ZNF253: variants seen among roughly 807,000 people sequenced by gnomAD.
The protein encoded by ZNF253 is zinc finger protein 253, also known as DNA-binding protein.
ZNF253 carries 8 observed loss-of-function variants against 11.9 expected under a neutral mutation model. The observed-to-expected ratio is 0.67, with a 90% CI of 0.40 to 1.22. ZNF253 has a LOEUF of 1.22. Ranked by LOEUF, ZNF253 falls within the 50% of genes most tolerant of loss-of-function variation. The pLI, the probability that ZNF253 is intolerant of heterozygous loss-of-function variation, is 0.01. For synonymous variants in ZNF253, 194 were observed against 194.9 expected, an observed-to-expected ratio of 1.00 and a Z score of 0.04; for missense variants, 485 against 586.9, an observed-to-expected ratio of 0.83 and a Z score of 1.79.
At chr19:19,885,082 C>A (rs973091500) in intron 3 of ZNF253, among the ~76,000 whole-genome samples, 15 of 151,952 alleles carry the variant, frequency 9.9e-5, no homozygotes, top group African/African-American at 3.6e-4. Flanking sequence ...CGTTGTCACT[C>A]CTGAAATTTT....
chr19:19,887,022 C>T (rs1000417772), intron 3 of ZNF253, among the ~76,000 whole-genome samples: 3 of 151,874 alleles, frequency 2.0e-5, no homozygotes, highest in South Asian at 2.1e-4. Flanking sequence ...ATAAATATTA[C>T]GATTATAGAT....
At chr19:19,886,021 A>T (rs1257391372) in intron 3 of ZNF253, among the ~76,000 whole-genome samples, 1 of 152,102 alleles carries the variant, frequency 6.6e-6, no homozygotes, top group East Asian at 1.9e-4. Flanking sequence ...TTGAGACAAG[A>T]TCTTACCGTC....
At chr19:19,882,507 G>C (rs2063182031) in intron 3 of ZNF253, among the ~76,000 whole-genome samples, 1 of 152,012 alleles carries the variant, frequency 6.6e-6, no homozygotes, top group South Asian at 2.1e-4. Flanking sequence ...GGTTCAAGCA[G>C]TTCTCATGTC....
chr19:19,886,407 C>A (rs2063206524), intron 3 of ZNF253, among the ~76,000 whole-genome samples: 1 of 152,214 alleles, frequency 6.6e-6, no homozygotes, highest in Admixed American at 6.5e-5. Context: ...TCTGTGAAGC[C>A]TAGTTGGTCT....
At chr19:19,885,868 G>A (rs1487335479) in intron 3 of ZNF253, among the ~76,000 whole-genome samples, 1 of 152,182 alleles carries the variant, frequency 6.6e-6, no homozygotes, top group Non-Finnish European at 1.5e-5. Context: ...CCCTGAGCAA[G>A]AATGTTGAAG....
intron 1 of ZNF253, among the ~76,000 whole-genome samples, chr19:19,878,073 TA>T (rs3841055): frequency 1.3e-5 from 2 of 151,230 alleles, no homozygotes; most frequent in Non-Finnish European, 2.9e-5. Context: ...TCTTCCGGAA[TA>T]AAAAAAAACC....
At chr19:19,888,990 A>T (rs2063217806) in intron 3 of ZNF253, among the ~76,000 whole-genome samples, 3 of 151,842 alleles carry the variant, frequency 2.0e-5, no homozygotes, top group Admixed American at 1.3e-4. Context: ...TTCTGCAAAA[A>T]TTTTTTTTGA....
chr19:19,883,803 C>T (rs897856370), intron 3 of ZNF253, among the ~76,000 whole-genome samples: 6 of 152,076 alleles, frequency 3.9e-5, no homozygotes, highest in African/African-American at 1.4e-4. Flanking sequence ...CACCTGTAAT[C>T]CCATCACTTT....
chr19:19,891,578 CA>C lies in ZNF253; in HGVS notation c.332del (p.Gln111ArgfsTer2), dbSNP rs1418405844. On this transcript the variant is annotated frameshift_variant, in exon 4 of 4. Coordinates refer to ENST00000589717, the MANE Select transcript of ZNF253 (RefSeq NM_021047.3). LOFTEE classifies it low-confidence loss of function (END_TRUNC). Reference protein sequence around the residue: ...RYEECRHDNLQLKKGCKSVGE... With the variant: ...RYEECRHDNLXLKKGCKSVGE... ...TGAAGAATGCAGACATGACAATTTACAGTTAAAAAAAGGCTGTAAAAGCGTG... is the reference window on the plus strand; with the variant it reads ...TGAAGAATGCAGACATGACAATTTACGTTAAAAAAAGGCTGTAAAAGCGTG... The C allele has an allele frequency of 6.2e-7, 1 of 1,613,810 alleles. No individual in the cohort carries two copies. Among genetic ancestry groups the C allele is most frequent in the East Asian group, 2.2e-5 (1 of 44,866 alleles).
intron 1 of ZNF253, among the ~76,000 whole-genome samples, chr19:19,867,173 TC>T (rs1300277939): frequency 2.0e-5 from 3 of 152,164 alleles, no homozygotes; most frequent in African/African-American, 7.2e-5. Flanking sequence ...AAACCCCATC[TC>T]TACTAAAAGT....
In ZNF253 at chr19:19,880,116, G is replaced by A. The variant is rs2063171301; in HGVS notation, c.196G>A (p.Glu66Lys). The A allele has an allele frequency of 6.2e-7, 1 of 1,608,962 alleles. No individual in the cohort carries two copies. The highest frequency in any genetic ancestry group is 8.5e-7 in the Non-Finnish European group (1 of 1,177,708). The change falls in exon 3 of 4, where the codon GAA becomes AAA. Residue 66 changes from glutamate (E) to lysine (K), a missense_variant. By Grantham distance (56) the Glu-to-Lys change is moderately conservative. Around this residue, in one of 3 missense-constraint regions of ZNF253, gnomAD observed 218 missense variants for 213.1 expected, o/e 1.02. Transcript: ENST00000589717. ...LEQGKKPLTM[E>K]RHEMIAKPPV... ...GCAAGGAAAAAAACCTTTAACTATG[G>A]AAAGACATGAGATGATTGCCAAACC...
intron 1 of ZNF253, among the ~76,000 whole-genome samples, chr19:19,875,787 G>A (rs1599551971): frequency 6.6e-6 from 1 of 151,964 alleles, no homozygotes; most frequent in Non-Finnish European, 1.5e-5. Flanking sequence ...GAGAAACAGA[G>A]GAAGAAATAA....
intron 3 of ZNF253, among the ~76,000 whole-genome samples, chr19:19,883,700 C>A (rs1211903611): frequency 1.3e-5 from 2 of 151,986 alleles, no homozygotes; most frequent in Non-Finnish European, 2.9e-5. Flanking sequence ...CTCATTTTAC[C>A]CTCTCTCCAG....
intron 3 of ZNF253, among the ~76,000 whole-genome samples, chr19:19,887,773 T>A (rs1438691715): frequency 3.4e-5 from 5 of 147,770 alleles, no homozygotes; most frequent in East Asian, 3.9e-4. Context: ...TTTTTAATTT[T>A]TTTTTTTTTT....
At chr19:19,885,747 A>G (rs1460108111) in intron 3 of ZNF253, among the ~76,000 whole-genome samples, 1 of 152,114 alleles carries the variant, frequency 6.6e-6, no homozygotes, top group African/African-American at 2.4e-5. Flanking sequence ...TATTTTATTT[A>G]AAATGTATTT....
intron 3 of ZNF253, among the ~76,000 whole-genome samples, chr19:19,890,832 A>ATTTTTTTTT (rs770757608): frequency 9.1e-5 from 7 of 76,836 alleles, no homozygotes; most frequent in Non-Finnish European, 1.4e-4. Context: ...CAACAATTTA[A>ATTTTTTTTT]TTTTTTTTTT....
chr19:19,892,304 TCA>T lies in ZNF253; in HGVS notation c.1061_1062del (p.His354ProfsTer5). 1 of 1,611,008 alleles carries T rather than the reference TCA, an allele frequency of 6.2e-7. No homozygotes were observed. The highest frequency in any genetic ancestry group is 1.7e-4 in the Middle Eastern group (1 of 6,044). On this transcript the variant is annotated frameshift_variant, in exon 4 of 4. Coordinates refer to ENST00000589717, the MANE Select transcript of ZNF253 (RefSeq NM_021047.3). LOFTEE classifies it low-confidence loss of function (END_TRUNC). ...EECGKAFHLS[S>X]HLTTHKILHT... ...ATGTGGCAAAGCCTTTCACCTATCC[TCA>T]CACCTTACTACACATAAGATACTTC...
At chr19:19,868,693 G>T (rs1185512267) in intron 1 of ZNF253, among the ~76,000 whole-genome samples, 1 of 152,014 alleles carries the variant, frequency 6.6e-6, no homozygotes, top group African/African-American at 2.4e-5. Context: ...GGGATTGGGG[G>T]GCTAGGGGAG....
Position 19,884,378 on chromosome 19 carries a change from T to C in ZNF253, c.226+4232T>C, listed in dbSNP as rs1021572883. The stretch of plus-strand genomic sequence containing the variant: ...TTTTGTTGTTTGTTATTTTTATTTT[T>C]ATTTTTTTTTTGAGATCGAGTCTCC... On this transcript the variant is annotated intron_variant, in intron 3 of 3. Coordinates refer to ENST00000589717, the MANE Select transcript of ZNF253 (RefSeq NM_021047.3). 1.2e-4 allele frequency among the ~76,000 whole-genome samples: 15 copies of C among 123,538 alleles called. No homozygotes were observed. In the East Asian group the frequency reaches 4.9e-3, roughly 40 times the overall value. The allele number at this position is 123,538 out of a possible 152,430, so 81.0% of individuals were successfully genotyped here.
Sources: allele counts gnomAD v4.1 joint callset (sites outside exome capture counted in the v4.1 genomes callset), GRCh38; gene constraint gnomAD v4.1.1; regional missense constraint gnomAD v4.1.1; transcripts MANE v1.5; gene names NCBI Gene and HGNC (gene_info 2026-07-23, HGNC 2026-07-21).